DPP6: variants seen among roughly 807,000 people sequenced by gnomAD.
DPP6 encodes the protein dipeptidyl peptidase like 6, also known as A-type potassium channel modulatory protein DPP6.
Under a neutral mutation model 122.6 loss-of-function variants are expected in DPP6, and 69 were observed. That is an observed-to-expected ratio of 0.56 (90% confidence interval 0.46 to 0.69). The LOEUF (loss-of-function observed/expected upper bound fraction) is 0.69. DPP6 is among the 30% of genes least tolerant of loss of function. The pLI, the probability that DPP6 is intolerant of heterozygous loss-of-function variation, is 0.00. For missense variants in DPP6, 928 were observed against 1,116.9 expected, an observed-to-expected ratio of 0.83 and a Z score of 2.41; for synonymous variants, 418 against 433.1, an observed-to-expected ratio of 0.97 and a Z score of 0.43.
At chr7:154,840,957 G>A (rs1222196913) in intron 16 of DPP6, among the ~76,000 whole-genome samples, 1 of 152,176 alleles carries the variant, frequency 6.6e-6, no homozygotes, top group Non-Finnish European at 1.5e-5. Flanking sequence ...ACGAGTCAAT[G>A]TACGTTTTCC....
chr7:154,157,683 C>G (rs1390258100), intron 1 of DPP6, among the ~76,000 whole-genome samples: 1 of 152,062 alleles, frequency 6.6e-6, no homozygotes, highest in Non-Finnish European at 1.5e-5. Context: ...CCTGTAATCC[C>G]AGCACTTTGG....
Position 154,892,418 on chromosome 7 carries a change from T to C in DPP6, c.2536T>C (p.Cys846Arg). 6.2e-7 allele frequency: 1 copy of C among 1,614,014 alleles called. No individual in the cohort carries two copies. The highest frequency in any genetic ancestry group is 8.5e-7 in the Non-Finnish European group (1 of 1,179,896). ...YRSIINFFVE[C>R]FRIQDKLLTV... is the part of the protein sequence containing the mutation. ...GTCCATCATCAACTTCTTCGTGGAA[T>C]GCTTCAGGATCCAGGACAAACTGCT... is the stretch of plus-strand genomic sequence containing the variant. The change falls in exon 26 of 26, where the codon TGC (cysteine) becomes CGC (arginine). Residue 846 changes from cysteine to arginine, a missense_variant. Coordinates refer to ENST00000377770, the MANE Select transcript of DPP6 (RefSeq NM_130797.4).
chr7:154,548,285 C>T (rs894751989), intron 4 of DPP6, among the ~76,000 whole-genome samples: 9 of 151,516 alleles, frequency 5.9e-5, no homozygotes, highest in African/African-American at 2.2e-4. Context: ...TGAAAAGAGG[C>T]CGGGCGCAGT....
At chr7:154,455,802 A>G (rs1044284935) in intron 2 of DPP6, among the ~76,000 whole-genome samples, 2 of 152,208 alleles carry the variant, frequency 1.3e-5, no homozygotes, top group Non-Finnish European at 2.9e-5. Context: ...TTATCTATAA[A>G]TGGACACTTT....
chr7:154,822,635 C>T (rs1290331138), intron 16 of DPP6, among the ~76,000 whole-genome samples: 1 of 152,104 alleles, frequency 6.6e-6, no homozygotes, highest in Non-Finnish European at 1.5e-5. Flanking sequence ...CTTGTAGGGA[C>T]CTTAGGGACC....
intron 2 of DPP6, among the ~76,000 whole-genome samples, chr7:154,453,125 G>A (rs556703645): frequency 2.6e-5 from 4 of 152,258 alleles, no homozygotes; most frequent in South Asian, 2.1e-4. Context: ...TGCCACAATC[G>A]CTGACGTGGG....
the DPP6 span, among the ~76,000 whole-genome samples, chr7:153,870,101 A>T: frequency 2.0e-5 from 3 of 151,912 alleles, no homozygotes; most frequent in Non-Finnish European, 1.5e-5. Flanking sequence ...CTTCATTTCA[A>T]CTTTGGTGAA....
At chr7:154,341,799 T>C (rs1473330209) in intron 1 of DPP6, among the ~76,000 whole-genome samples, 1 of 151,898 alleles carries the variant, frequency 6.6e-6, no homozygotes, top group Non-Finnish European at 1.5e-5. Context: ...AATGGCTGTC[T>C]GTTCCTTGGT....
chr7:154,116,074 A>G (rs1000542395), intron 1 of DPP6, among the ~76,000 whole-genome samples: 1 of 150,282 alleles, frequency 6.7e-6, no homozygotes, highest in African/African-American at 2.5e-5. Flanking sequence ...AGGTCTTTAC[A>G]CACCCACTGC....
At chr7:153,891,508 C>A (rs1799203692) in intron 1 of DPP6, among the ~76,000 whole-genome samples, 1 of 152,094 alleles carries the variant, frequency 6.6e-6, no homozygotes, top group Non-Finnish European at 1.5e-5. Flanking sequence ...ATAAAATCTA[C>A]ATTTCAGAGT....
rs1804742710 is a variant in DPP6 at position 154,875,143 on chromosome 7, GAGA to G, written c.1884-760_1884-758del. Among the ~76,000 whole-genome samples the G allele has an allele frequency of 6.6e-6, 1 of 151,676 alleles. No homozygotes were observed. The highest frequency in any genetic ancestry group is 2.1e-4 in the South Asian group (1 of 4,800). ...GAAGAAAAGAAAAGAAAGAGAGAGA[GAGA>G]AGGAAAGAAGGAGGGGAGGGAGGGA... On this transcript the variant is annotated intron_variant, in intron 19 of 25. Coordinates refer to ENST00000377770, the MANE Select transcript of DPP6 (RefSeq NM_130797.4). The surrounding 1 kb of genome is among the most constrained non-coding windows in gnomAD (Gnocchi z 4.5).
chr7:153,886,006 T>C (rs578115517), upstream of DPP6, among the ~76,000 whole-genome samples: 1 of 152,290 alleles, frequency 6.6e-6, no homozygotes, highest in East Asian at 1.9e-4. Flanking sequence ...TATTCTTTTT[T>C]ACAAACGGAG....
chr7:154,623,560 AACACGCAC>A (rs950169135), intron 5 of DPP6, among the ~76,000 whole-genome samples: 1 of 125,950 alleles, frequency 7.9e-6, no homozygotes, highest in Non-Finnish European at 1.8e-5. Flanking sequence ...GCACACACGC[AACACGCAC>A]ACACACACGC....
In DPP6 at chr7:154,600,547, C is replaced by A. The variant is rs1162382497; in HGVS notation, c.627+33631C>A. On this transcript the variant is annotated intron_variant, in intron 5 of 25. Coordinates refer to ENST00000377770, the MANE Select transcript of DPP6 (RefSeq NM_130797.4). The stretch of plus-strand genomic sequence containing the variant: ...TCAAAAACTTTCTGTCCAGTATCTC[C>A]TTTAATCTTCACAAGAAACCTATTG... 1.7e-5 allele frequency among the ~76,000 whole-genome samples: 2 copies of A among 121,186 alleles called. 1 individual carries two copies. Among genetic ancestry groups the A allele is most frequent in the African/African-American group, 5.3e-5 (2 of 38,034 alleles). The allele number at this position is 121,186 out of a possible 152,430, so 79.5% of individuals were successfully genotyped here.
chr7:154,580,712 AG>A (rs1296018874), intron 5 of DPP6, among the ~76,000 whole-genome samples: 1 of 152,164 alleles, frequency 6.6e-6, no homozygotes, highest in Non-Finnish European at 1.5e-5. Context: ...AGGCCGACGG[AG>A]AAGAAAGCCT....
chr7:154,322,103 C>A (rs76294430), intron 1 of DPP6, among the ~76,000 whole-genome samples: 2,698 of 151,568 alleles, frequency 0.018, 38 homozygotes, highest in Non-Finnish European at 0.026. Context: ...CACCCTCCCC[C>A]ACCTCCTCAG....
intron 1 of DPP6, among the ~76,000 whole-genome samples, chr7:153,919,045 G>T (rs1800512533): frequency 1.3e-5 from 2 of 151,364 alleles, no homozygotes; most frequent in African/African-American, 2.4e-5. Flanking sequence ...CCTCGGTACA[G>T]TGGAGTAAGA....
intron 7 of DPP6, among the ~76,000 whole-genome samples, chr7:154,725,911 G>A (rs1042458674): frequency 1.3e-5 from 2 of 152,130 alleles, no homozygotes; most frequent in South Asian, 4.1e-4. Context: ...GGAGAAACTG[G>A]CCAAAACAAA....
intron 1 of DPP6, among the ~76,000 whole-genome samples, chr7:154,184,521 C>T (rs926199325): frequency 2.0e-5 from 3 of 152,066 alleles, no homozygotes; most frequent in Non-Finnish European, 4.4e-5. Context: ...GTGAGTCCCA[C>T]AGACGTCCTA....
Sources: gnomAD v4.1 joint callset for allele counts (sites outside exome capture counted in the v4.1 genomes callset) on GRCh38, gnomAD v4.1.1 for gene constraint, Gnocchi (gnomAD v3.1) non-coding constraint, MANE v1.5 for transcripts, NCBI Gene and HGNC (gene_info 2026-07-23, HGNC 2026-07-21) for gene names.